The following SNX8 variants were observed in gnomAD, a reference collection of about 807,000 sequenced individuals.
SNX8 encodes sorting nexin 8, also known as sorting nexin-8.
Under a neutral mutation model 51.6 loss-of-function variants are expected in SNX8, and 25 were observed. The observed-to-expected ratio is 0.48, with a 90% confidence interval of 0.35 to 0.68. The LOEUF is 0.68. SNX8 is among the 30% of genes least tolerant of loss of function. The pLI, the probability that SNX8 is intolerant of heterozygous loss-of-function variation, is 0.00. For missense variants in SNX8, 695 were observed against 624.0 expected, an observed-to-expected ratio of 1.11 and a Z score of -1.21; for synonymous variants, 324 against 277.0, an observed-to-expected ratio of 1.17 and a Z score of -1.68.
intron 7 of SNX8, among the ~76,000 whole-genome samples, chr7:2,260,849 T>G (rs1795317816): frequency 6.6e-6 from 1 of 152,174 alleles, no homozygotes; most frequent in Admixed American, 6.5e-5. Context: ...GTCACAGAGC[T>G]GGGCAGAACC....
chr7:2,328,419 T>G (rs545238293), intron 1 of SNX8, among the ~76,000 whole-genome samples: 41 of 152,296 alleles, frequency 2.7e-4, no homozygotes, highest in Middle Eastern at 3.4e-3. Context: ...CTTCAACTCC[T>G]GGGCTCAAAT....
chr7:2,346,697 G>C (rs1438119070), intron 1 of SNX8, among the ~76,000 whole-genome samples: 1 of 123,838 alleles, frequency 8.1e-6, no homozygotes, highest in Non-Finnish European at 1.6e-5. Flanking sequence ...AGTGAGCTGA[G>C]ATTGCGCCAC....
intron 1 of SNX8, among the ~76,000 whole-genome samples, chr7:2,304,810 C>T (rs999190385): frequency 6.6e-6 from 1 of 152,154 alleles, no homozygotes; most frequent in African/African-American, 2.4e-5. Flanking sequence ...AATTTCAAAT[C>T]TCCTTTTGGT....
At chr7:2,257,969 C>T (rs1184403885) in intron 7 of SNX8, among the ~76,000 whole-genome samples, 166 bp from the exon 8 acceptor site, 2 of 152,154 alleles carry the variant, frequency 1.3e-5, no homozygotes, top group African/African-American at 4.8e-5. Context: ...CCCACCAGCC[C>T]ACCCATTACC....
intron 1 of SNX8, among the ~76,000 whole-genome samples, chr7:2,327,599 G>C (rs1370488417): frequency 6.6e-6 from 1 of 152,118 alleles, no homozygotes. Flanking sequence ...AGTAGAGATG[G>C]GGTTTCACTG....
chr7:2,259,233 C>G (rs1018381806), intron 7 of SNX8, among the ~76,000 whole-genome samples: 2 of 152,214 alleles, frequency 1.3e-5, no homozygotes, highest in African/African-American at 4.8e-5. Flanking sequence ...CAGCCACAAC[C>G]GCAACCAAGC....
At chr7:2,265,075 C>T (rs909117542) in intron 5 of SNX8, among the ~76,000 whole-genome samples, 3 of 152,108 alleles carry the variant, frequency 2.0e-5, no homozygotes, top group African/African-American at 7.2e-5. Context: ...AATAATCTTG[C>T]CGGGCGCAGT....
intron 1 of SNX8, among the ~76,000 whole-genome samples, chr7:2,306,743 C>A (rs1584726675): frequency 6.6e-6 from 1 of 152,132 alleles, no homozygotes; most frequent in East Asian, 1.9e-4. Context: ...GGTGATTTGT[C>A]TATGAAATTT....
At chr7:2,336,118 A>G (rs1250496439) in intron 1 of SNX8, among the ~76,000 whole-genome samples, 2 of 149,462 alleles carry the variant, frequency 1.3e-5, no homozygotes. Flanking sequence ...AAAAAAAAAA[A>G]GGGCTGGGCA....
chr7:2,268,275 G>T (rs1290593703), intron 5 of SNX8, among the ~76,000 whole-genome samples: 1 of 134,540 alleles, frequency 7.4e-6, no homozygotes. Context: ...CGGCCGCCCC[G>T]TCTGAGAAGT....
intron 1 of SNX8, among the ~76,000 whole-genome samples, chr7:2,329,546 C>T (rs995549268): frequency 7.9e-5 from 12 of 152,126 alleles, no homozygotes; most frequent in Admixed American, 5.9e-4. Context: ...TGACCTTCTC[C>T]TGGTCTCCTT....
In SNX8 at chr7:2,296,638, T is replaced by C. The variant is rs376460029; in HGVS notation, c.94+17690A>G. ...TATTTAATGTGATGTAACATTAAGA[T>C]ATTTTGAAACAGCCGGGTGTGGTGG... On this transcript the variant is annotated intron_variant, in intron 1 of 10. Coordinates refer to ENST00000222990, the MANE Select transcript of SNX8 (RefSeq NM_013321.4). 2.6e-5 allele frequency among the ~76,000 whole-genome samples: 4 copies of C among 152,122 alleles called. No individual in the cohort carries two copies. The East Asian group carries it at 7.7e-4, about 29-fold the overall frequency.
At chr7:2,283,327 G>A (rs944481681) in intron 1 of SNX8, among the ~76,000 whole-genome samples, 3 of 152,154 alleles carry the variant, frequency 2.0e-5, no homozygotes, top group African/African-American at 7.2e-5. Context: ...AGCCCGCCCC[G>A]GACTGGCCCG....
At chr7:2,352,357 G>A (rs57200888) in intron 1 of SNX8, among the ~76,000 whole-genome samples, 102 of 152,152 alleles carry the variant, frequency 6.7e-4, no homozygotes, top group African/African-American at 2.1e-3. Context: ...CACTGTTTCA[G>A]TTACTTATGG....
intron 1 of SNX8, among the ~76,000 whole-genome samples, chr7:2,333,843 A>G (rs1408135388): frequency 2.0e-5 from 3 of 152,186 alleles, no homozygotes; most frequent in African/African-American, 7.2e-5. Context: ...TCTAAACATA[A>G]AAGTTGGCCA....
At chr7:2,263,509 G>T in intron 6 of SNX8, 147 bp from the exon 7 acceptor site, 1 of 786,800 alleles carries the variant, frequency 1.3e-6, no homozygotes, top group Non-Finnish European at 2.0e-6. Flanking sequence ...GTGGCCTGTG[G>T]GGACCCTGGG....
chr7:2,266,491 T>A (rs1795467329), intron 5 of SNX8, among the ~76,000 whole-genome samples: 2 of 151,966 alleles, frequency 1.3e-5, no homozygotes, highest in Non-Finnish European at 1.5e-5. Flanking sequence ...GAATTACAGG[T>A]GCACGCCACC....
upstream of SNX8, among the ~76,000 whole-genome samples, chr7:2,317,109 A>G (rs1271737265): frequency 1.3e-5 from 2 of 151,884 alleles, no homozygotes; most frequent in East Asian, 3.9e-4. Context: ...ATAAGGAGTT[A>G]AGTAGGAGGA....
intron 6 of SNX8, 107 bp downstream of exon 6, chr7:2,264,191 T>C: frequency 1.8e-6 from 2 of 1,104,450 alleles, no homozygotes; most frequent in Non-Finnish European, 2.6e-6. Context: ...ATGAAACAGG[T>C]CAGGATGCTG....
Sources: gnomAD v4.1 joint callset for allele counts (sites outside exome capture counted in the v4.1 genomes callset) on GRCh38, gnomAD v4.1.1 for gene constraint, MANE v1.5 for transcripts, NCBI Gene and HGNC (gene_info 2026-07-23, HGNC 2026-07-21) for gene names.